Variants in CSMD3 observed in about 807,000 individuals in gnomAD.
CSMD3 encodes CUB and Sushi multiple domains 3, also known as CUB and sushi domain-containing protein 3.
CSMD3 carries 177 observed loss-of-function variants against 435.2 expected under a neutral mutation model. The observed-to-expected ratio is 0.41, with a 90% CI of 0.36 to 0.46. CSMD3 has a LOEUF of 0.46. CSMD3 is among the 20% of genes least tolerant of loss of function. The pLI, the probability that CSMD3 is intolerant of heterozygous loss-of-function variation, is 0.34. For missense variants in CSMD3, 4,265 were observed against 4,504.6 expected (o/e 0.95, Z 1.52); for synonymous variants, 1,656 against 1,520.5 (o/e 1.09, Z -2.07).
At chr8:112,520,799 C>G (rs1056027202) in intron 27 of CSMD3, among the ~76,000 whole-genome samples, 2 of 151,940 alleles carry the variant, frequency 1.3e-5, no homozygotes, top group Non-Finnish European at 2.9e-5. Context: ...TCCACTCCAA[C>G]TGCTTTTTCA....
At chr8:112,496,119 G>C (rs1231461491) in intron 30 of CSMD3, among the ~76,000 whole-genome samples, 1 of 151,924 alleles carries the variant, frequency 6.6e-6, no homozygotes, top group Non-Finnish European at 1.5e-5. Context: ...ACAGGAGCCC[G>C]CCACCACGCC....
At position 113,205,279 on chromosome 8, in the gene CSMD3, G is replaced by A. The variant is rs141677417; in HGVS notation, c.515-31363C>T. On this transcript the variant is annotated intron_variant, in intron 3 of 70. Transcript: ENST00000297405. ...ATTACAGGCATGAGCCACCGTGGCC[G>A]GCAGGGAACTCCTCCTTTTAATACC... Among the ~76,000 whole-genome samples the A allele has an allele frequency of 3.1e-3, 467 of 152,136 alleles. 2 individuals carry two copies. The highest frequency in any genetic ancestry group is 9.5e-3 in the African/African-American group (393 of 41,516).
intron 5 of CSMD3, among the ~76,000 whole-genome samples, chr8:113,057,202 G>C (rs755427044): frequency 3.3e-5 from 5 of 151,896 alleles, no homozygotes; most frequent in African/African-American, 4.8e-5. Flanking sequence ...CACTCATAAT[G>C]TTTTCAGTTT....
chr8:112,849,779 A>T (rs1230861916), intron 11 of CSMD3, among the ~76,000 whole-genome samples: 1 of 151,936 alleles, frequency 6.6e-6, no homozygotes, highest in Non-Finnish European at 1.5e-5. Flanking sequence ...GACTGGCTTA[A>T]GTAAAATACG....
rs200958191 is a variant in CSMD3, at chr8:112,525,821, TA to T, written c.4565-8597del. ...GTATATATATATATACACACACATA[TA>T]AAAAATATATATATATATATACAGG... On this transcript the variant is annotated intron_variant, in intron 27 of 70. Transcript: ENST00000297405. 3.0e-4 allele frequency among the ~76,000 whole-genome samples: 40 copies of T among 132,510 alleles called. 1 individual carries two copies. Among genetic ancestry groups the T allele is most frequent in the Admixed American group, 9.3e-4 (12 of 12,954 alleles). The allele number at this position is 132,510 out of a possible 152,430, so 86.9% of individuals were successfully genotyped here.
At chr8:113,206,989 T>C (rs1478251971) in intron 3 of CSMD3, among the ~76,000 whole-genome samples, 2 of 152,170 alleles carry the variant, frequency 1.3e-5, no homozygotes, top group African/African-American at 4.8e-5. Context: ...CGGCATCTAG[T>C]TGGGCACGGT....
chr8:112,813,279 T>C (rs572190031), intron 12 of CSMD3, among the ~76,000 whole-genome samples: 1 of 152,298 alleles, frequency 6.6e-6, no homozygotes, highest in East Asian at 1.9e-4. Flanking sequence ...TTTTAAACTC[T>C]TTAAGGCAGG....
At chr8:112,842,162 T>C (rs555897922) in intron 11 of CSMD3, among the ~76,000 whole-genome samples, 1 of 151,844 alleles carries the variant, frequency 6.6e-6, no homozygotes, top group Non-Finnish European at 1.5e-5. Flanking sequence ...TAGGAGACAA[T>C]GTTCCAGAAG....
At chr8:112,571,884 A>AAAG (rs1484269604) in intron 24 of CSMD3, among the ~76,000 whole-genome samples, 3 of 149,070 alleles carry the variant, frequency 2.0e-5, no homozygotes, top group Non-Finnish European at 4.4e-5. Context: ...AAAAAAAAAA[A>AAAG]AAAGAAAGAA....
chr8:112,485,479 T>C (rs903158346), intron 31 of CSMD3, among the ~76,000 whole-genome samples: 2 of 152,242 alleles, frequency 1.3e-5, no homozygotes, highest in South Asian at 2.1e-4. Context: ...TCTATATGCA[T>C]TGATAATGGA....
chr8:112,379,196 G>A lies in CSMD3; in HGVS notation c.6136+1156C>T, dbSNP rs192162616. Among the ~76,000 whole-genome samples the A allele has an allele frequency of 5.9e-4, 90 of 152,328 alleles. No individual in the cohort carries two copies. In the East Asian group the frequency reaches 8.3e-3, roughly 14 times the overall value. On this transcript the variant is annotated intron_variant, in intron 38 of 70. Coordinates refer to ENST00000297405, the MANE Select transcript of CSMD3 (RefSeq NM_198123.2). ...AAAACTACAAAATAGTAGGCGGGAC[G>A]TGGTGGCTCACGCCTGTAATCCCAA...
intron 1 of CSMD3, among the ~76,000 whole-genome samples, chr8:113,402,239 T>C (rs200885147): frequency 2.5e-3 from 113 of 44,530 alleles, no homozygotes; most frequent in Non-Finnish European, 4.3e-3. Context: ...TCACCAAGGA[T>C]TATTAATTTT....
chr8:112,465,820 C>G (rs1817894993), intron 32 of CSMD3, among the ~76,000 whole-genome samples: 1 of 151,702 alleles, frequency 6.6e-6, no homozygotes, highest in Admixed American at 6.6e-5. Flanking sequence ...ACTAAAAATA[C>G]AAAAATTAGC....
chr8:112,709,391 T>C (rs1212935410), intron 13 of CSMD3, among the ~76,000 whole-genome samples: 2 of 152,090 alleles, frequency 1.3e-5, no homozygotes, highest in Non-Finnish European at 2.9e-5. Context: ...TAAGACTTGT[T>C]TCCTTAGGAC....
intron 15 of CSMD3, among the ~76,000 whole-genome samples, chr8:112,683,290 G>C (rs1309737152): frequency 6.6e-6 from 1 of 151,984 alleles, no homozygotes; most frequent in South Asian, 2.1e-4. Flanking sequence ...ATTCAAAAGA[G>C]TAATGTTAGA....
intron 3 of CSMD3, among the ~76,000 whole-genome samples, chr8:113,219,564 T>C (rs965770154): frequency 9.9e-5 from 15 of 151,484 alleles, no homozygotes; most frequent in African/African-American, 3.6e-4. Flanking sequence ...AAATGCGATC[T>C]TTTTAATAGA....
chr8:112,273,720 T>C (rs1344061332), intron 59 of CSMD3, among the ~76,000 whole-genome samples: 13 of 86,956 alleles, frequency 1.5e-4, no homozygotes, highest in East Asian at 1.3e-3. Flanking sequence ...AGTGAGACTC[T>C]GTCTCAAAAA....
At chr8:112,591,274 A>G (rs1299843590) in intron 22 of CSMD3, among the ~76,000 whole-genome samples, 1 of 152,140 alleles carries the variant, frequency 6.6e-6, no homozygotes, top group Admixed American at 6.5e-5. Flanking sequence ...TAATATGATG[A>G]TAAATGTGGC....
At chr8:113,224,842 A>G (rs2093008615) in intron 3 of CSMD3, among the ~76,000 whole-genome samples, 1 of 150,660 alleles carries the variant, frequency 6.6e-6, no homozygotes, top group South Asian at 2.1e-4. Context: ...ACCTTTGATT[A>G]TTAAGTTCAT....
Sources: gnomAD v4.1 joint callset for allele counts (sites outside exome capture counted in the v4.1 genomes callset) on GRCh38, gnomAD v4.1.1 for gene constraint, MANE v1.5 for transcripts, NCBI Gene and HGNC (gene_info 2026-07-23, HGNC 2026-07-21) for gene names.